Variants in XPR1 observed in about 807,000 individuals in gnomAD.
XPR1 encodes xenotropic and polytropic retrovirus receptor 1.
Under a neutral mutation model 87.5 loss-of-function variants are expected in XPR1, and 28 were observed. The observed-to-expected ratio is 0.32, with a 90% CI of 0.24 to 0.44. The LOEUF is 0.44. Ranked by LOEUF, XPR1 falls within the 20% of genes least tolerant of loss-of-function variation. The pLI, the probability that XPR1 is intolerant of heterozygous loss-of-function variation, is 1.00. For missense variants in XPR1, 559 were observed against 862.3 expected, an observed-to-expected ratio of 0.65 and a Z score of 4.41; for synonymous variants, 300 against 306.1, an observed-to-expected ratio of 0.98 and a Z score of 0.21.
intron 7 of XPR1, among the ~76,000 whole-genome samples, chr1:180,815,800 C>T (rs1558022174): frequency 6.6e-6 from 1 of 151,994 alleles, no homozygotes; most frequent in Non-Finnish European, 1.5e-5. Context: ...CTCTGGTACA[C>T]TAGTGGTAAG....
At chr1:180,833,642 A>T (rs569505433) in intron 9 of XPR1, among the ~76,000 whole-genome samples, 2 of 151,930 alleles carry the variant, frequency 1.3e-5, no homozygotes, top group East Asian at 3.9e-4. Flanking sequence ...TTGAGTGCAA[A>T]CTTAAAAACA....
intron 1 of XPR1, among the ~76,000 whole-genome samples, chr1:180,661,644 C>A (rs1655783844): frequency 6.6e-6 from 1 of 151,842 alleles, no homozygotes; most frequent in Non-Finnish European, 1.5e-5. Context: ...CCAAGGGGGG[C>A]AGATCACCTG....
At chr1:180,714,397 CT>C (rs1476038006) in intron 2 of XPR1, among the ~76,000 whole-genome samples, 1 of 132,572 alleles carries the variant, frequency 7.5e-6, no homozygotes, top group East Asian at 2.5e-4. Context: ...CTCTCTCTCT[CT>C]CTCTGTCGTC....
chr1:180,875,359 A>T (rs1297320256), intron 13 of XPR1, among the ~76,000 whole-genome samples: 1 of 151,994 alleles, frequency 6.6e-6, no homozygotes, highest in African/African-American at 2.4e-5. Context: ...AAATACAAAA[A>T]TTAGCTGGGC....
intron 1 of XPR1, among the ~76,000 whole-genome samples, chr1:180,654,899 C>A (rs1271395574): frequency 6.6e-6 from 1 of 152,130 alleles, no homozygotes; most frequent in African/African-American, 2.4e-5. Context: ...GTACAAATAT[C>A]TATCTGAGAT....
At chr1:180,843,050 G>A (rs922089309) in intron 11 of XPR1, among the ~76,000 whole-genome samples, 9 of 152,102 alleles carry the variant, frequency 5.9e-5, no homozygotes, top group Admixed American at 4.6e-4. Flanking sequence ...GCTGCTGTGC[G>A]CCCTAATGAG....
rs957326193 is a variant in XPR1, at chr1:180,887,820, A to G, written c.*3754A>G. 1.7e-4 allele frequency: 26 copies of G among 152,264 alleles called. No individual in the cohort carries two copies. The highest frequency in any genetic ancestry group is 5.8e-4 in the African/African-American group (24 of 41,474). The allele number at this position is 152,264 out of a possible 1,614,324, so 9.4% of individuals were successfully genotyped here. The stretch of plus-strand genomic sequence containing the variant: ...TTTACCAGAAGTAACGTGTTGATGT[A>G]TATTATCTTTCCACCATGCTTTGAC... On this transcript the variant is annotated 3_prime_UTR_variant, in exon 15 of 15. Transcript: ENST00000367590.
chr1:180,790,741 C>T (rs1649348039), intron 3 of XPR1, among the ~76,000 whole-genome samples: 1 of 151,966 alleles, frequency 6.6e-6, no homozygotes, highest in Non-Finnish European at 1.5e-5. Context: ...CGGGGTTTCA[C>T]CGTGTTAACC....
intron 1 of XPR1, among the ~76,000 whole-genome samples, chr1:180,672,005 A>G (rs1487520214): frequency 6.6e-6 from 1 of 152,216 alleles, no homozygotes; most frequent in South Asian, 2.1e-4. Flanking sequence ...AAGAAAATGA[A>G]TTGAATTTTG....
chr1:180,762,752 C>T (rs1648096578), intron 2 of XPR1, among the ~76,000 whole-genome samples: 1 of 152,218 alleles, frequency 6.6e-6, no homozygotes, highest in Non-Finnish European at 1.5e-5. Context: ...CCCAGAAAGA[C>T]ACTGACTACA....
At chr1:180,788,391 A>G (rs1237574599) in intron 3 of XPR1, among the ~76,000 whole-genome samples, 2 of 152,240 alleles carry the variant, frequency 1.3e-5, no homozygotes, top group Non-Finnish European at 2.9e-5. Context: ...TACATAATAT[A>G]CATTAGTAAA....
intron 9 of XPR1, among the ~76,000 whole-genome samples, chr1:180,827,880 ATT>A (rs11445781): frequency 2.8e-5 from 4 of 142,754 alleles, no homozygotes; most frequent in Admixed American, 7.0e-5. Flanking sequence ...TTTTTCTTTA[ATT>A]TTTTTTTTTT....
At chr1:180,774,161 T>C (rs1558001563) in intron 2 of XPR1, among the ~76,000 whole-genome samples, 1 of 152,100 alleles carries the variant, frequency 6.6e-6, no homozygotes, top group Non-Finnish European at 1.5e-5. Flanking sequence ...TCCCAGAATA[T>C]AGAGGAAGAG....
chr1:180,724,806 T>C (rs1282387700), intron 2 of XPR1, among the ~76,000 whole-genome samples: 1 of 152,202 alleles, frequency 6.6e-6, no homozygotes, highest in African/African-American at 2.4e-5. Context: ...TGCTTTAATA[T>C]TTCCTCAGTT....
intron 1 of XPR1, among the ~76,000 whole-genome samples, chr1:180,677,784 C>T (rs1422667953): frequency 6.6e-6 from 1 of 152,114 alleles, no homozygotes; most frequent in African/African-American, 2.4e-5. Context: ...CTACGTTCCT[C>T]CCAAAGTGGC....
chr1:180,681,376 T>C (rs915408596), intron 1 of XPR1, among the ~76,000 whole-genome samples: 3 of 152,170 alleles, frequency 2.0e-5, no homozygotes, highest in Non-Finnish European at 4.4e-5. Context: ...CCGGGTGCAG[T>C]GGCTCACGCC....
intron 2 of XPR1, among the ~76,000 whole-genome samples, chr1:180,698,741 A>C (rs1285199495): frequency 6.6e-6 from 1 of 152,110 alleles, no homozygotes; most frequent in African/African-American, 2.4e-5. Flanking sequence ...GGAAAAAAAA[A>C]TATTTCTCCT....
At chr1:180,780,767 CAA>C (rs756960289) in intron 2 of XPR1, among the ~76,000 whole-genome samples, 27 of 106,000 alleles carry the variant, frequency 2.5e-4, no homozygotes, top group Middle Eastern at 5.6e-3. Flanking sequence ...GACTCTGTCT[CAA>C]AAAAAAAAAA....
intron 2 of XPR1, among the ~76,000 whole-genome samples, chr1:180,718,457 T>C (rs147594064): frequency 2.9e-4 from 44 of 152,268 alleles, no homozygotes; most frequent in Admixed American, 1.1e-3. Context: ...TTGTTGGAGA[T>C]GTCATTAAAT....
Sources: gnomAD v4.1 joint callset for allele counts (sites outside exome capture counted in the v4.1 genomes callset) on GRCh38, gnomAD v4.1.1 for gene constraint, MANE v1.5 for transcripts, NCBI Gene and HGNC (gene_info 2026-07-23, HGNC 2026-07-21) for gene names.